The following HSPA4L variants were observed in gnomAD, a reference collection of about 807,000 sequenced individuals.
HSPA4L encodes heat shock protein family A (Hsp70) member 4 like.
In HSPA4L, 48 loss-of-function variants were observed where a neutral mutation model predicts 100.3. The observed-to-expected ratio is 0.48, with a 90% CI of 0.38 to 0.61. The LOEUF is 0.61. Ranked by LOEUF, HSPA4L falls within the 20% of genes least tolerant of loss-of-function variation. The pLI, the probability that HSPA4L is intolerant of heterozygous loss-of-function variation, is 0.00. For synonymous variants in HSPA4L, 319 were observed against 328.2 expected (o/e 0.97, Z 0.30); for missense variants, 886 against 988.6 (o/e 0.90, Z 1.39).
chr4:127,809,214 AT>A lies in HSPA4L; in HGVS notation c.1378+1086del, dbSNP rs1733456935. The A allele has an allele frequency of 2.3e-6, 3 of 1,324,080 alleles. No individual in the cohort carries two copies. The East Asian group carries it at 6.9e-5, about 31-fold the overall frequency. The allele number at this position is 1,324,080 out of a possible 1,614,324, so 82.0% of individuals were successfully genotyped here. A position where few individuals can be genotyped will look rare whatever the true frequency, so the allele number is the denominator to read the frequency against. On this transcript the variant is annotated intron_variant, in intron 11 of 18. Transcript: ENST00000296464. ...GACAAGGTTTTCAAAACAAGTTGCA[AT>A]CTTGGCAGAACTGGACAAAGAGAAA... is the stretch of plus-strand genomic sequence containing the variant.
Position 127,808,053 on chromosome 4 carries a change from C to T in HSPA4L, c.1302C>T (p.Phe434=). ...HPAPFSKVIT[F]HKKEPFELEA... The stretch of plus-strand genomic sequence containing the variant: ...CCCCATTCTCAAAAGTCATTACTTT[C>T]CACAAGAAGGAACCATTTGAACTAG... Residue 434 remains phenylalanine (F), a synonymous_variant, in exon 11 of 19, where the codon TTC becomes TTT. Transcript: ENST00000296464. The T allele has an allele frequency of 9.3e-6, 15 of 1,612,510 alleles. No homozygotes were observed. Among genetic ancestry groups the T allele is most frequent in the Non-Finnish European group, 1.2e-5 (14 of 1,178,924 alleles).
chr4:127,803,568 CT>C (rs564497146), intron 6 of HSPA4L, 60 bp from the exon 7 acceptor site: 6,555 of 1,199,058 alleles, frequency 5.5e-3, no homozygotes, highest in South Asian at 0.011. Flanking sequence ...AGAGGTTTTT[CT>C]TTTTTTTTTG....
At chr4:127,797,391 A>C (rs181018742) in intron 3 of HSPA4L, among the ~76,000 whole-genome samples, 1 of 152,260 alleles carries the variant, frequency 6.6e-6, no homozygotes, top group Admixed American at 6.5e-5. Context: ...AGGCTGAGAA[A>C]AACAGAATAA....
rs1353368859 is a variant in HSPA4L, at chr4:127,838,565, AG to A, written c.*5693del. ...AATTTACGGTCATGCCCTAAGTCACAGGATGATTATTAGGGAAATGTCATTG... is the reference window on the plus strand; with the variant it reads ...AATTTACGGTCATGCCCTAAGTCACAGATGATTATTAGGGAAATGTCATTG... On this transcript the variant is annotated 3_prime_UTR_variant, in exon 19 of 19. Coordinates refer to ENST00000296464, the MANE Select transcript of HSPA4L (RefSeq NM_014278.4). 1 of 152,220 alleles carries A rather than the reference AG, an allele frequency of 6.6e-6. No individual in the cohort carries two copies. Among genetic ancestry groups the A allele is most frequent in the Non-Finnish European group, 1.5e-5 (1 of 68,036 alleles). The allele number at this position is 152,220 out of a possible 1,614,324, so 9.4% of individuals were successfully genotyped here. A position where few individuals can be genotyped will look rare whatever the true frequency, so the allele number is the denominator to read the frequency against.
intron 16 of HSPA4L, 124 bp from the exon 17 acceptor site, chr4:127,827,180 AT>A: frequency 1.4e-6 from 1 of 732,966 alleles, no homozygotes; most frequent in East Asian, 2.7e-5. Context: ...ATACAGGAAA[AT>A]AAGAGGGGAT....
chr4:127,781,933 C>A (rs929416844), upstream of HSPA4L: 2 of 400,316 alleles, frequency 5.0e-6, no homozygotes, highest in Non-Finnish European at 1.0e-5. Context: ...AGCACGCCTC[C>A]GGTTGCCAAA....
At chr4:127,796,839 A>G (rs910153761) in intron 3 of HSPA4L, among the ~76,000 whole-genome samples, 1 of 152,188 alleles carries the variant, frequency 6.6e-6, no homozygotes, top group African/African-American at 2.4e-5. Context: ...AGTGACTGCT[A>G]ATGGGTTTCT....
At chr4:127,797,760 C>T (rs1352820519) in intron 3 of HSPA4L, among the ~76,000 whole-genome samples, 1 of 151,966 alleles carries the variant, frequency 6.6e-6, no homozygotes, top group Non-Finnish European at 1.5e-5. Context: ...TGCCACCACG[C>T]CCAGCTAAGT....
intron 4 of HSPA4L, among the ~76,000 whole-genome samples, chr4:127,800,409 A>G (rs982362510): frequency 6.6e-6 from 1 of 152,162 alleles, no homozygotes; most frequent in South Asian, 2.1e-4. Context: ...TTAAAGCTGC[A>G]GTGAGCTATG....
chr4:127,812,540 T>C (rs542594817), intron 12 of HSPA4L, among the ~76,000 whole-genome samples: 2 of 152,166 alleles, frequency 1.3e-5, no homozygotes, highest in Non-Finnish European at 2.9e-5. Flanking sequence ...ACACAACGTT[T>C]TCATCTTTTT....
intron 1 of HSPA4L, among the ~76,000 whole-genome samples, chr4:127,790,098 G>A (rs561653044): frequency 6.6e-6 from 1 of 152,134 alleles, no homozygotes; most frequent in African/African-American, 2.4e-5. Context: ...ACTGGTAACT[G>A]TTTAGCTTTC....
chr4:127,833,897 A>G lies in HSPA4L; in HGVS notation c.*1023A>G, dbSNP rs934982389. On this transcript the variant is annotated 3_prime_UTR_variant, in exon 19 of 19. Transcript: ENST00000296464. ...AGCACTTATACCATAAGTCTTAGGA[A>G]ATAATGTTTGTAATAAACTTAACTA... 1 of 152,280 alleles carries G rather than the reference A, an allele frequency of 6.6e-6. No individual in the cohort carries two copies. The highest frequency in any genetic ancestry group is 2.1e-4 in the South Asian group (1 of 4,826). 9.4% of individuals were successfully genotyped at this position (152,280 alleles called of 1,614,324 possible).
intron 1 of HSPA4L, chr4:127,783,777 C>T: frequency 1.9e-5 from 20 of 1,053,172 alleles, no homozygotes; most frequent in South Asian, 1.5e-5. Context: ...CTTTAAATGC[C>T]TCATTTACTA....
At chr4:127,825,151 A>C (rs555458552) in intron 16 of HSPA4L, among the ~76,000 whole-genome samples, 1 of 152,196 alleles carries the variant, frequency 6.6e-6, no homozygotes, top group East Asian at 1.9e-4. Flanking sequence ...AAAAAAAAAA[A>C]ACACGTTTAT....
At chr4:127,805,903 TTAAAA>T in intron 10 of HSPA4L, 110 bp downstream of exon 10, 1 of 616,392 alleles carries the variant, frequency 1.6e-6, no homozygotes, top group Admixed American at 2.9e-5. Flanking sequence ...GCCAAATACT[TTAAAA>T]TAATGTATTA....
chr4:127,832,610 T>C (rs1044334464), intron 18 of HSPA4L, 73 bp from the exon 19 acceptor site: 3 of 1,260,572 alleles, frequency 2.4e-6, no homozygotes, highest in Admixed American at 2.4e-5. Context: ...AGAAAGTTAA[T>C]GTGGAATTTA....
At position 127,832,685 on chromosome 4, in the gene HSPA4L, A is replaced by G; in HGVS notation, c.2331A>G (p.Glu777=). 1 of 1,597,730 alleles carries G rather than the reference A, an allele frequency of 6.3e-7. No individual in the cohort carries two copies. The highest frequency in any genetic ancestry group is 2.2e-5 in the East Asian group (1 of 44,504). The change falls in exon 19 of 19, where the codon GAA becomes GAG. Residue 777 remains glutamate (E), a splice_region_variant and synonymous_variant. Transcript: ENST00000296464. ...AATCAATTTCTTCATGTCTTTAGGA[A>G]CTGGATAATTTCTGTAACCCCATCA... ...KVSEIVAKSK[E]LDNFCNPIIY...
chr4:127,803,994 A>T lies in HSPA4L; in HGVS notation c.909-17A>T. 6.2e-7 allele frequency: 1 copy of T among 1,613,564 alleles called. No homozygotes were observed. Among genetic ancestry groups the T allele is most frequent in the Non-Finnish European group, 8.5e-7 (1 of 1,179,642 alleles). On this transcript the variant is annotated splice_polypyrimidine_tract_variant and intron_variant, in intron 7 of 18. Coordinates refer to ENST00000296464, the MANE Select transcript of HSPA4L (RefSeq NM_014278.4). ...TTTTAATCCCAGAATAATGAATTTT[A>T]TTCTATTTTCTCACAGGGCTCAATT...
Position 127,813,029 on chromosome 4 carries a change from G to A in HSPA4L, c.1578+1393G>A. The A allele has an allele frequency of 3.2e-6, 3 of 931,428 alleles. No homozygotes were observed. The South Asian group carries it at 3.9e-5, about 12-fold the overall frequency. 57.7% of individuals were successfully genotyped at this position (931,428 alleles called of 1,614,324 possible). ...TTGTAGACTCTTCCAGTTTTGCCATGGTAACACTTGTGGGGCATTCCTTTT... is the reference window on the plus strand; with the variant it reads ...TTGTAGACTCTTCCAGTTTTGCCATAGTAACACTTGTGGGGCATTCCTTTT... On this transcript the variant is annotated intron_variant, in intron 12 of 18. Transcript: ENST00000296464.
Sources: allele counts gnomAD v4.1 joint callset (sites outside exome capture counted in the v4.1 genomes callset), GRCh38; gene constraint gnomAD v4.1.1; transcripts MANE v1.5; gene names NCBI Gene and HGNC (gene_info 2026-07-23, HGNC 2026-07-21).